The following DENND5A variants were observed in gnomAD, a reference collection of about 807,000 sequenced individuals.
DENND5A encodes DENN domain containing 5A, also known as DENN domain-containing protein 5A.
In DENND5A, 64 loss-of-function variants were observed where a neutral mutation model predicts 140.3. The observed-to-expected ratio is 0.46, with a 90% CI of 0.37 to 0.56. The LOEUF is 0.56. Among genes scored for constraint, DENND5A ranks in the 20% least tolerant of loss-of-function variants. The pLI, the probability that DENND5A is intolerant of heterozygous loss-of-function variation, is 0.00. For missense variants in DENND5A, 1,292 were observed against 1,593.8 expected, an observed-to-expected ratio of 0.81 and a Z score of 3.22; for synonymous variants, 605 against 607.7, an observed-to-expected ratio of 1.00 and a Z score of 0.07.
At chr11:9,186,721 C>T (rs1449275140) in intron 5 of DENND5A, among the ~76,000 whole-genome samples, 1 of 152,160 alleles carries the variant, frequency 6.6e-6, no homozygotes, top group Non-Finnish European at 1.5e-5. Flanking sequence ...AAGATAGGAC[C>T]CTCTGAGTAG....
chr11:9,264,921 G>A, intron 1 of DENND5A, 40 bp downstream of exon 1: 2 of 1,476,678 alleles, frequency 1.4e-6, no homozygotes, highest in South Asian at 1.2e-5. Context: ...CCCGACGACA[G>A]CGGGCGCGGG....
rs751348359 is a variant in DENND5A, at chr11:9,181,101, G to A, written c.1138-17C>T. ...GAGGTTAGCCTGGAAGTCAAAACAG[G>A]ATGAGGAGTATGAATAACTCCAGAG... On this transcript the variant is annotated splice_polypyrimidine_tract_variant and intron_variant, in intron 5 of 22. Transcript: ENST00000328194. 5 of 1,605,414 alleles carry A rather than the reference G, an allele frequency of 3.1e-6. No homozygotes were observed. Among genetic ancestry groups the A allele is most frequent in the Admixed American group, 3.4e-5 (2 of 59,222 alleles).
In DENND5A at chr11:9,139,705, A is replaced by G; in HGVS notation, c.3830T>C (p.Leu1277Pro). ...GATGCCCTTGACAAGGGACGTCTCC[A>G]GCGTGATGTTGAACTCCTGCAATGT... Reference protein sequence around the residue: ...LQTLQEFNITLETSLVKGIDI With the variant: ...LQTLQEFNITPETSLVKGIDI The change falls in exon 23 of 23, where the codon CTG becomes CCG. Residue 1277 changes from leucine (L) to proline (P), a missense_variant. By Grantham distance (98) the Leu-to-Pro change is moderately conservative (BLOSUM62 -3). Around this residue, in one of 4 missense-constraint regions of DENND5A, gnomAD observed 498 missense variants for 689.7 expected, o/e 0.72. Coordinates refer to ENST00000328194, the MANE Select transcript of DENND5A (RefSeq NM_015213.4). 6.2e-7 allele frequency: 1 copy of G among 1,613,998 alleles called. No individual in the cohort carries two copies. Among genetic ancestry groups the G allele is most frequent in the Admixed American group, 1.7e-5 (1 of 59,992 alleles).
In DENND5A at chr11:9,143,430, CA is replaced by C; in HGVS notation, c.3359del (p.Val1120GlyfsTer14). On this transcript the variant is annotated frameshift_variant, in exon 20 of 23. Coordinates refer to ENST00000328194, the MANE Select transcript of DENND5A (RefSeq NM_015213.4). LOFTEE classifies it high-confidence loss of function. ...CTTTCTCAGGCTTATGGAAGTGCTT[CA>C]CAATGCCATTGACTGCCTCCCCGAT... ...ESIGEAVNGI[V>X]KHFHKPEKER... The C allele has an allele frequency of 6.2e-7, 1 of 1,614,232 alleles. No individual in the cohort carries two copies. The highest frequency in any genetic ancestry group is 8.5e-7 in the Non-Finnish European group (1 of 1,180,022).
intron 1 of DENND5A, among the ~76,000 whole-genome samples, chr11:9,208,630 T>C (rs1432511674): frequency 6.6e-6 from 1 of 152,232 alleles, no homozygotes; most frequent in Non-Finnish European, 1.5e-5. Context: ...TCTGAGGTTT[T>C]GTCCATCATC....
chr11:9,144,378 C>A, intron 18 of DENND5A, 100 bp from the exon 19 acceptor site: 1 of 1,179,112 alleles, frequency 8.5e-7, no homozygotes, highest in Non-Finnish European at 1.2e-6. Context: ...GGCTCTGAAA[C>A]CAGGATAGAG....
chr11:9,191,809 A>G (rs1287547990), intron 5 of DENND5A, among the ~76,000 whole-genome samples: 1 of 152,142 alleles, frequency 6.6e-6, no homozygotes, highest in African/African-American at 2.4e-5. Context: ...ACCTTCAACA[A>G]TTTTTTGTTA....
chr11:9,240,725 A>G (rs565667734), intron 1 of DENND5A, among the ~76,000 whole-genome samples: 4 of 150,210 alleles, frequency 2.7e-5, no homozygotes, highest in African/African-American at 9.8e-5. Context: ...AAAAAAAAAG[A>G]ACTGAAGAAC....
intron 1 of DENND5A, among the ~76,000 whole-genome samples, chr11:9,211,808 T>A (rs1303365192): frequency 6.6e-6 from 1 of 151,800 alleles, no homozygotes; most frequent in Non-Finnish European, 1.5e-5. Flanking sequence ...GGCGTGTGCC[T>A]GTAGTCCCAG....
Position 9,139,527 on chromosome 11 carries a change from T to C in DENND5A, c.*144A>G. The C allele has an allele frequency of 4.2e-6, 3 of 707,832 alleles. No homozygotes were observed. Among genetic ancestry groups the C allele is most frequent in the Non-Finnish European group, 6.9e-6 (3 of 437,676 alleles). 43.8% of individuals were successfully genotyped at this position (707,832 alleles called of 1,614,324 possible). ...ATAAACTCTAAAATAGATTATTTAT[T>C]CCAAAAATCCTCTAGTTTTCTTTTT... On this transcript the variant is annotated 3_prime_UTR_variant, in exon 23 of 23. Transcript: ENST00000328194.
intron 1 of DENND5A, among the ~76,000 whole-genome samples, chr11:9,221,300 G>A (rs1314259303): frequency 1.3e-5 from 2 of 151,544 alleles, no homozygotes; most frequent in East Asian, 3.9e-4. Context: ...GCATGGTGGC[G>A]AGTGCCTGTA....
intron 15 of DENND5A, among the ~76,000 whole-genome samples, chr11:9,149,357 A>T (rs551043133): frequency 1.6e-4 from 24 of 152,338 alleles, no homozygotes; most frequent in Non-Finnish European, 1.9e-4. Flanking sequence ...TCCCTAGTGG[A>T]TGCCAAGCAA....
At chr11:9,152,524 C>A in intron 12 of DENND5A, 82 bp from the exon 13 acceptor site, 1 of 955,120 alleles carries the variant, frequency 1.0e-6, no homozygotes. Context: ...GAAGCTTTTG[C>A]TAAAAAAATA....
chr11:9,144,720 C>T (rs1210665500), intron 18 of DENND5A, among the ~76,000 whole-genome samples: 1 of 151,298 alleles, frequency 6.6e-6, no homozygotes, highest in East Asian at 1.9e-4. Flanking sequence ...GCCCAGGAGG[C>T]ACAGGCTGCA....
chr11:9,199,822 T>C (rs888980376), intron 4 of DENND5A, among the ~76,000 whole-genome samples: 1 of 152,236 alleles, frequency 6.6e-6, no homozygotes, highest in African/African-American at 2.4e-5. Flanking sequence ...AAGATGTCCT[T>C]GGATCATTAA....
chr11:9,211,424 CAAT>C (rs1314037661), intron 1 of DENND5A, among the ~76,000 whole-genome samples: 2 of 151,922 alleles, frequency 1.3e-5, no homozygotes, highest in Non-Finnish European at 2.9e-5. Context: ...AAAATAATAA[CAAT>C]AATAATAATA....
intron 1 of DENND5A, among the ~76,000 whole-genome samples, chr11:9,236,302 C>G (rs1443653932): frequency 1.3e-5 from 2 of 151,488 alleles, no homozygotes; most frequent in African/African-American, 4.9e-5. Context: ...GAGGCCGAGG[C>G]AGGCGTATCA....
At chr11:9,163,824 T>A (rs117204925) in intron 11 of DENND5A, among the ~76,000 whole-genome samples, 2,651 of 139,332 alleles carry the variant, frequency 0.019, 196 homozygotes, top group Admixed American at 0.14. Flanking sequence ...AAAAAAAGAA[T>A]GACAGTCCAG....
At chr11:9,257,300 A>G (rs1851987338) in intron 1 of DENND5A, among the ~76,000 whole-genome samples, 1 of 150,850 alleles carries the variant, frequency 6.6e-6, no homozygotes, top group African/African-American at 2.4e-5. Context: ...CTAGCCCTCA[A>G]TGCTTCTTTA....
Sources: allele counts gnomAD v4.1 joint callset (sites outside exome capture counted in the v4.1 genomes callset), GRCh38; gene constraint gnomAD v4.1.1; regional missense constraint gnomAD v4.1.1; transcripts MANE v1.5; gene names NCBI Gene and HGNC (gene_info 2026-07-23, HGNC 2026-07-21).